USP26: variants seen among roughly 807,000 people sequenced by gnomAD.
USP26 encodes the protein ubiquitin carboxyl-terminal hydrolase 26.
For missense variants in USP26, 649 were observed against 642.3 expected, an observed-to-expected ratio of 1.01 and a Z score of -0.11; for synonymous variants, 236 against 240.6, an observed-to-expected ratio of 0.98 and a Z score of 0.18.
Position 133,026,282 on chromosome X carries a change from C to G in USP26, c.1939G>C (p.Ala647Pro). The change falls in exon 6 of 6, where the codon GCA becomes CCA. Residue 647 changes from alanine (A) to proline (P), a missense_variant. Ala to Pro is a conservative substitution (Grantham distance 27). Coordinates refer to ENST00000511190, the MANE Select transcript of USP26 (RefSeq NM_031907.3). The part of the protein sequence containing the change: ...ELESVYSGDR[A>P]FIEKEPLAHL... ...GCTAACGGTTCTTTTTCAATGAATG[C>G]TCGATCTCCTGAGTATACAGATTCT... The G allele has an allele frequency of 1.7e-6, 2 of 1,208,326 alleles. No homozygotes were observed. The highest frequency in any genetic ancestry group is 2.2e-6 in the Non-Finnish European group (2 of 894,866).
At chrX:133,092,137 G>A (rs1311879588) in intron 1 of USP26, among the ~76,000 whole-genome samples, 1 of 111,922 alleles carries the variant, frequency 8.9e-6, no homozygotes, top group Non-Finnish European at 1.9e-5. Context: ...CATTAATCTT[G>A]TGGTTACAAG....
Position 133,024,025 on chromosome X carries a change from A to C in USP26, c.*1454T>G, listed in dbSNP as rs1194893568. 8.9e-6 allele frequency among the ~76,000 whole-genome samples: 1 copy of C among 112,164 alleles called. No individual in the cohort carries two copies. Among genetic ancestry groups the C allele is most frequent in the Non-Finnish European group, 1.9e-5 (1 of 53,280 alleles). On this transcript the variant is annotated 3_prime_UTR_variant, in exon 6 of 6. Transcript: ENST00000511190. ...ACAACAGATTCACTGCCTCAAAGGC[A>C]GGAAAAGGTTATGATAATAGTGGTG...
chrX:133,044,902 A>G (rs1278470893), intron 5 of USP26, among the ~76,000 whole-genome samples: 3 of 112,983 alleles, frequency 2.7e-5, no homozygotes, highest in Non-Finnish European at 3.7e-5. Flanking sequence ...AAATACACCA[A>G]TCAGCACTCT....
intron 5 of USP26, among the ~76,000 whole-genome samples, chrX:133,048,640 G>A (rs777608423): frequency 3.1e-3 from 335 of 109,291 alleles, no homozygotes; most frequent in African/African-American, 0.01. Context: ...TCCGCCTCCC[G>A]GGTTCACTCC....
intron 5 of USP26, among the ~76,000 whole-genome samples, chrX:133,058,108 C>T (rs2067482780): frequency 1.9e-5 from 2 of 104,302 alleles, no homozygotes; most frequent in Non-Finnish European, 3.9e-5. Context: ...GTCTCGATCT[C>T]CTGACCTCTT....
intron 1 of USP26, among the ~76,000 whole-genome samples, chrX:133,096,298 A>C (rs895368473): frequency 2.5e-4 from 28 of 109,993 alleles, no homozygotes; most frequent in African/African-American, 9.3e-4. Context: ...GAATACAATT[A>C]AATTCACAAC....
chrX:133,078,959 T>A (rs910366318), intron 5 of USP26, among the ~76,000 whole-genome samples: 7 of 112,139 alleles, frequency 6.2e-5, no homozygotes, highest in African/African-American at 2.3e-4. Context: ...AAATAACTGT[T>A]CATTTCAGAA....
At chrX:133,053,115 C>T (rs112247769) in intron 5 of USP26, among the ~76,000 whole-genome samples, 2,747 of 112,120 alleles carry the variant, frequency 0.025, 51 homozygotes, top group East Asian at 0.1. Context: ...ACTCATATAC[C>T]ATGTCTACAG....
intron 5 of USP26, among the ~76,000 whole-genome samples, chrX:133,035,108 G>T (rs1287424993): frequency 2.7e-5 from 3 of 111,427 alleles, no homozygotes; most frequent in African/African-American, 9.8e-5. Context: ...AGTTAGAGGG[G>T]CAAAAACACT....
chrX:133,059,898 C>T (rs758776324), intron 5 of USP26, among the ~76,000 whole-genome samples: 2 of 112,000 alleles, frequency 1.8e-5, no homozygotes, highest in Non-Finnish European at 3.8e-5. Flanking sequence ...CAAGAAAATG[C>T]TAATAATTTG....
intron 5 of USP26, among the ~76,000 whole-genome samples, chrX:133,039,433 T>G (rs1048870339): frequency 8.9e-6 from 1 of 112,386 alleles, no homozygotes; most frequent in Admixed American, 9.4e-5. Flanking sequence ...TCAGTAGTCA[T>G]TCAGAAGCAG....
At chrX:133,057,499 TC>T (rs1373464121) in intron 5 of USP26, among the ~76,000 whole-genome samples, 1 of 111,175 alleles carries the variant, frequency 9.0e-6, no homozygotes, top group Non-Finnish European at 1.9e-5. Context: ...TCATATTGTC[TC>T]TTTTACTTAT....
At chrX:133,085,557 A>G (rs2067585822) in intron 4 of USP26, among the ~76,000 whole-genome samples, 1 of 112,073 alleles carries the variant, frequency 8.9e-6, no homozygotes, top group Non-Finnish European at 1.9e-5. Context: ...CCACTCCTAT[A>G]TATGCTGCTA....
At chrX:133,040,482 T>C (rs1202249248) in intron 5 of USP26, among the ~76,000 whole-genome samples, 2 of 111,792 alleles carry the variant, frequency 1.8e-5, no homozygotes, top group East Asian at 5.6e-4. Flanking sequence ...AATTCTGGGT[T>C]GAAAGTTCTT....
At chrX:133,037,002 T>G (rs995811366) in intron 5 of USP26, among the ~76,000 whole-genome samples, 3 of 112,556 alleles carry the variant, frequency 2.7e-5, no homozygotes, top group African/African-American at 9.7e-5. Context: ...GTTTATATCC[T>G]TCACGCACTT....
At chrX:133,084,204 GT>G (rs2067580151) in intron 4 of USP26, among the ~76,000 whole-genome samples, 1 of 111,541 alleles carries the variant, frequency 9.0e-6, no homozygotes, top group Admixed American at 9.6e-5. Flanking sequence ...TATTTAGTTT[GT>G]TTGTTTATTT....
At chrX:133,078,066 G>A (rs1329889168) in intron 5 of USP26, among the ~76,000 whole-genome samples, 1 of 110,399 alleles carries the variant, frequency 9.1e-6, no homozygotes, top group Non-Finnish European at 1.9e-5. Context: ...CTTGGGCAAC[G>A]GCAGTCAGAC....
chrX:133,059,467 G>A (rs1414192342), intron 5 of USP26, among the ~76,000 whole-genome samples: 3 of 111,088 alleles, frequency 2.7e-5, no homozygotes, highest in African/African-American at 6.6e-5. Flanking sequence ...AGAATTTAAC[G>A]TATTTGCACT....
At chrX:133,044,538 G>A (rs942641368) in intron 5 of USP26, among the ~76,000 whole-genome samples, 3 of 113,428 alleles carry the variant, frequency 2.6e-5, no homozygotes, top group Admixed American at 9.2e-5. Flanking sequence ...GCTGCGGAGG[G>A]TGCGCCAGGT....
Sources: gnomAD v4.1 joint callset for allele counts (sites outside exome capture counted in the v4.1 genomes callset) on GRCh38, gnomAD v4.1.1 for gene constraint, MANE v1.5 for transcripts, NCBI Gene and HGNC (gene_info 2026-07-23, HGNC 2026-07-21) for gene names.